The following ATG7 variants were observed in gnomAD, a reference collection of about 807,000 sequenced individuals.
ATG7 encodes ubiquitin-like modifier-activating enzyme ATG7.
Under a neutral mutation model 82.4 loss-of-function variants are expected in ATG7, and 70 were observed. The observed-to-expected ratio is 0.85, with a 90% CI of 0.70 to 1.04. ATG7 has a LOEUF of 1.04. Among genes scored for constraint, ATG7 ranks in the 50% least tolerant of loss-of-function variants. ATG7 has a pLI of 0.00. For synonymous variants in ATG7, 287 were observed against 313.0 expected, an observed-to-expected ratio of 0.92 and a Z score of 0.88; for missense variants, 792 against 864.3, an observed-to-expected ratio of 0.92 and a Z score of 1.05.
chr3:11,329,674 A>G (rs1342206597), intron 9 of ATG7, among the ~76,000 whole-genome samples: 1 of 152,178 alleles, frequency 6.6e-6, no homozygotes, highest in Non-Finnish European at 1.5e-5. Flanking sequence ...ATAATTTTAG[A>G]TTTACAGAAG....
At chr3:11,344,525 ATTC>A (rs1381287085) in intron 13 of ATG7, among the ~76,000 whole-genome samples, 12 of 152,226 alleles carry the variant, frequency 7.9e-5, no homozygotes, top group African/African-American at 2.9e-4. Context: ...GTGGTATCTT[ATTC>A]TTCTCATATA....
At chr3:11,568,740 C>A in the ATG7 span, 1 of 1,529,904 alleles carries the variant, frequency 6.5e-7, no homozygotes, top group Non-Finnish European at 8.8e-7. The surrounding 1 kb of genome is among the most constrained non-coding windows in gnomAD (Gnocchi z 5.9). Context: ...GAAAACCGCA[C>A]GCATCCTGCC....
At chr3:11,469,931 A>T (rs1576639052) in intron 20 of ATG7, among the ~76,000 whole-genome samples, 1 of 138,812 alleles carries the variant, frequency 7.2e-6, no homozygotes, top group Non-Finnish European at 1.5e-5. Flanking sequence ...CGGAGGTTGC[A>T]GTGAGTGAGA....
intron 14 of ATG7, among the ~76,000 whole-genome samples, chr3:11,351,109 C>G (rs149288254): frequency 6.6e-5 from 10 of 152,186 alleles, no homozygotes; most frequent in African/African-American, 2.2e-4. Flanking sequence ...CCCCTTCCCA[C>G]TGTTTATTTG....
At chr3:11,544,417 C>T (rs986035240) in intron 20 of ATG7, among the ~76,000 whole-genome samples, 1 of 152,224 alleles carries the variant, frequency 6.6e-6, no homozygotes, top group Admixed American at 6.5e-5. Flanking sequence ...TCTGACCAGC[C>T]CCAATCCTGC....
intron 3 of ATG7, among the ~76,000 whole-genome samples, chr3:11,294,820 A>G (rs911883836): frequency 3.9e-5 from 6 of 152,168 alleles, no homozygotes; most frequent in Admixed American, 3.3e-4. Flanking sequence ...TCATTTTTTA[A>G]TAAGTGCTCA....
intron 20 of ATG7, among the ~76,000 whole-genome samples, chr3:11,441,072 G>C (rs1033704525): frequency 2.0e-5 from 3 of 152,122 alleles, no homozygotes; most frequent in Non-Finnish European, 4.4e-5. Flanking sequence ...CAAAGTTGTT[G>C]AGTTTCTAAT....
intron 3 of ATG7, among the ~76,000 whole-genome samples, chr3:11,289,979 A>G (rs1365581214): frequency 6.6e-6 from 1 of 152,170 alleles, no homozygotes; most frequent in Non-Finnish European, 1.5e-5. Context: ...GCTTCTATAA[A>G]TAACGTTTGT....
intron 1 of ATG7, among the ~76,000 whole-genome samples, chr3:11,273,253 C>G (rs1443021347): frequency 6.6e-6 from 1 of 152,236 alleles, no homozygotes; most frequent in Admixed American, 6.5e-5. Context: ...GGATCCCAGA[C>G]TCCCTTTTTC....
chr3:11,511,933 G>T (rs1269904906), intron 20 of ATG7, among the ~76,000 whole-genome samples: 1 of 152,112 alleles, frequency 6.6e-6, no homozygotes, highest in East Asian at 1.9e-4. Context: ...ACTCCAGCTG[G>T]CCTGCAAGCG....
chr3:11,483,517 C>T (rs1475410243), intron 20 of ATG7, among the ~76,000 whole-genome samples: 4 of 152,066 alleles, frequency 2.6e-5, no homozygotes, highest in African/African-American at 4.8e-5. Flanking sequence ...ACTCCCCTTC[C>T]GATGTGCGAA....
intron 18 of ATG7, among the ~76,000 whole-genome samples, chr3:11,370,260 T>C (rs553737933): frequency 6.6e-6 from 1 of 151,130 alleles, no homozygotes; most frequent in African/African-American, 2.4e-5. Context: ...TTGGGAAGAT[T>C]TGCTCCATTC....
chr3:11,302,804 C>T (rs958352419), intron 5 of ATG7, among the ~76,000 whole-genome samples: 3 of 152,230 alleles, frequency 2.0e-5, no homozygotes, highest in African/African-American at 7.2e-5. Flanking sequence ...GGATAAGTCT[C>T]TTCTACTCTG....
At chr3:11,361,943 T>G (rs976714015) in intron 16 of ATG7, among the ~76,000 whole-genome samples, 3 of 152,248 alleles carry the variant, frequency 2.0e-5, no homozygotes, top group Admixed American at 1.3e-4. Flanking sequence ...TTAAAACTTT[T>G]CCCTTAATAA....
intron 20 of ATG7, among the ~76,000 whole-genome samples, chr3:11,504,488 G>A (rs2091568718): frequency 6.6e-6 from 1 of 152,172 alleles, no homozygotes; most frequent in Non-Finnish European, 1.5e-5. Flanking sequence ...GAGATTGAAA[G>A]GCATCCTCAA....
At chr3:11,478,772 A>G (rs906054870) in intron 20 of ATG7, among the ~76,000 whole-genome samples, 6 of 152,204 alleles carry the variant, frequency 3.9e-5, no homozygotes, top group Non-Finnish European at 8.8e-5. Context: ...GTTATGAATC[A>G]TCCTACTTAG....
chr3:11,530,262 C>T (rs2092669422), intron 20 of ATG7, among the ~76,000 whole-genome samples: 1 of 152,192 alleles, frequency 6.6e-6, no homozygotes, highest in Non-Finnish European at 1.5e-5. Flanking sequence ...GCCCTGCAAG[C>T]AGTGGCATGC....
chr3:11,349,232 A>T (rs528797336), intron 14 of ATG7, among the ~76,000 whole-genome samples: 17 of 56,804 alleles, frequency 3.0e-4, no homozygotes, highest in Admixed American at 9.2e-4. Flanking sequence ...GCTAGACAGA[A>T]AAGTTCTCCC....
In ATG7 at chr3:11,413,724, G is replaced by A. The variant is rs541319142; in HGVS notation, c.1957-13080G>A. Among the ~76,000 whole-genome samples the A allele has an allele frequency of 8.5e-5, 13 of 152,326 alleles. No homozygotes were observed. In the South Asian group the frequency reaches 2.5e-3, roughly 29 times the overall value. On this transcript the variant is annotated intron_variant, in intron 19 of 20. Coordinates refer to ENST00000693202, the MANE Select transcript of ATG7 (RefSeq NM_001349232.2). ...CATAGTGCCTTTGTCTAGCTTTGGT[G>A]TCAGGCTACTGCTGGCCTCATAGAA...
Sources: gnomAD v4.1 joint callset for allele counts (sites outside exome capture counted in the v4.1 genomes callset) on GRCh38, gnomAD v4.1.1 for gene constraint, Gnocchi (gnomAD v3.1) non-coding constraint, MANE v1.5 for transcripts, NCBI Gene and HGNC (gene_info 2026-07-23, HGNC 2026-07-21) for gene names.